Variants in CUEDC1 observed in about 807,000 individuals in gnomAD.
CUEDC1 encodes CUE domain containing 1.
A neutral mutation model predicts 43.7 loss-of-function variants in CUEDC1; 30 were observed. That is an observed-to-expected ratio of 0.69 (90% CI 0.51 to 0.93). The LOEUF is 0.93. Among genes scored for constraint, CUEDC1 ranks in the 40% least tolerant of loss-of-function variants. The pLI is 0.00. For synonymous variants in CUEDC1, 223 were observed against 223.6 expected (o/e 1.00, Z 0.02); for missense variants, 486 against 549.0 (o/e 0.89, Z 1.15).
At chr17:57,951,943 G>C (rs953825134) in intron 1 of CUEDC1, among the ~76,000 whole-genome samples, 1 of 152,142 alleles carries the variant, frequency 6.6e-6, no homozygotes, top group Non-Finnish European at 1.5e-5. Flanking sequence ...ATAATGCGCT[G>C]ACACATCAGA....
intron 1 of CUEDC1, among the ~76,000 whole-genome samples, chr17:57,940,489 G>A (rs538926852): frequency 1.5e-4 from 23 of 152,216 alleles, no homozygotes; most frequent in South Asian, 6.2e-4. Context: ...CTCCCCTCCC[G>A]CAGTAACCTT....
Position 57,867,102 on chromosome 17 carries a change from C to A in CUEDC1, c.1093+255G>T, listed in dbSNP as rs998482092. 5 of 566,186 alleles carry A rather than the reference C, an allele frequency of 8.8e-6. No homozygotes were observed. The African/African-American group carries it at 9.4e-5, about 11-fold the overall frequency. 35.1% of individuals were successfully genotyped at this position (566,186 alleles called of 1,614,324 possible). A position where few individuals can be genotyped will look rare whatever the true frequency, so the allele number is the denominator to read the frequency against. ...CACCCAAAAGAATATTCCCCAGAAACAGTACCTGGCACTTCATGCTACAGG... is the reference window on the plus strand; with the variant it reads ...CACCCAAAAGAATATTCCCCAGAAAAAGTACCTGGCACTTCATGCTACAGG... On this transcript the variant is annotated intron_variant, in intron 9 of 10. Coordinates refer to ENST00000577830, the MANE Select transcript of CUEDC1 (RefSeq NM_001271875.2).
chr17:57,910,527 C>G (rs546700852), intron 1 of CUEDC1, among the ~76,000 whole-genome samples: 1 of 151,582 alleles, frequency 6.6e-6, no homozygotes, highest in South Asian at 2.1e-4. Context: ...TTTGGGAGGC[C>G]GGGGCAGGAG....
At position 57,949,564 on chromosome 17, in the gene CUEDC1, C is replaced by CTTT. The variant is rs1194743025; in HGVS notation, c.-316+5658_-316+5660dup. Among the ~76,000 whole-genome samples, 36 of 79,940 alleles carry CTTT rather than the reference C, an allele frequency of 4.5e-4. 2 individuals carry two copies. The highest frequency in any genetic ancestry group is 2.1e-3 in the African/African-American group (32 of 15,504). 52.4% of individuals were successfully genotyped at this position (79,940 alleles called of 152,430 possible). A position where few individuals can be genotyped will look rare whatever the true frequency, so the allele number is the denominator to read the frequency against. On this transcript the variant is annotated intron_variant, in intron 1 of 10. Coordinates refer to ENST00000577830, the MANE Select transcript of CUEDC1 (RefSeq NM_001271875.2). ...GCTCAGTAGGGGTGTCTCTGACATA[C>CTTT]TTTTTTTTTTTTTTTTTTTTTTTTT...
intron 3 of CUEDC1, among the ~76,000 whole-genome samples, chr17:57,877,593 A>T: frequency 7.5e-6 from 1 of 133,754 alleles, no homozygotes. Flanking sequence ...AAAAAAAAAA[A>T]GGTGGGGGTG....
intron 1 of CUEDC1, among the ~76,000 whole-genome samples, chr17:57,939,467 A>AGG (rs201373366): frequency 3.4e-5 from 4 of 116,804 alleles, no homozygotes; most frequent in Admixed American, 8.6e-5. Flanking sequence ...GGGTGGGGGG[A>AGG]GAGGGTCTCA....
chr17:57,942,748 G>A (rs1435177823), intron 1 of CUEDC1, among the ~76,000 whole-genome samples: 3 of 151,890 alleles, frequency 2.0e-5, no homozygotes, highest in African/African-American at 4.8e-5. Flanking sequence ...AATCACTGCT[G>A]CCGGGCGCTG....
Position 57,866,405 on chromosome 17 carries a change from T to A in CUEDC1, c.*3+69A>T, listed in dbSNP as rs531278792. The stretch of plus-strand genomic sequence containing the variant: ...GCGCCTCTGGACACCTGGGAGGACA[T>A]GTGGGGTGCATAGTGTGGGGGGCCC... On this transcript the variant is annotated intron_variant, in intron 10 of 10. Coordinates refer to ENST00000577830, the MANE Select transcript of CUEDC1 (RefSeq NM_001271875.2). The A allele has an allele frequency of 7.6e-6, 11 of 1,444,800 alleles. No homozygotes were observed. In the African/African-American group the frequency reaches 1.5e-4, roughly 20 times the overall value. 89.5% of individuals were successfully genotyped at this position (1,444,800 alleles called of 1,614,324 possible). A position where few individuals can be genotyped will look rare whatever the true frequency, so the allele number is the denominator to read the frequency against.
At chr17:57,871,606 T>C (rs1026516967) in intron 5 of CUEDC1, among the ~76,000 whole-genome samples, 1 of 152,208 alleles carries the variant, frequency 6.6e-6, no homozygotes, top group African/African-American at 2.4e-5. Context: ...AGAGAGACTG[T>C]AGAGTCCAAA....
intron 1 of CUEDC1, among the ~76,000 whole-genome samples, chr17:57,933,589 G>C (rs781557271): frequency 3.9e-5 from 6 of 152,198 alleles, no homozygotes; most frequent in Non-Finnish European, 5.9e-5. Context: ...ACCTGATCTA[G>C]CCTTGGAACG....
intron 1 of CUEDC1, among the ~76,000 whole-genome samples, chr17:57,935,174 C>T (rs2074848002): frequency 6.6e-6 from 1 of 152,170 alleles, no homozygotes; most frequent in East Asian, 1.9e-4. Flanking sequence ...AATGTGTTTA[C>T]CTTACATTTA....
chr17:57,920,969 T>A (rs1294414681), intron 1 of CUEDC1, among the ~76,000 whole-genome samples: 1 of 152,180 alleles, frequency 6.6e-6, no homozygotes, highest in African/African-American at 2.4e-5. Flanking sequence ...TAGTTGTATA[T>A]AGGTTATACA....
At chr17:57,902,849 T>G (rs1003385961) in intron 1 of CUEDC1, 34 of 152,164 alleles carry the variant, frequency 2.2e-4, no homozygotes, top group African/African-American at 7.2e-4. Flanking sequence ...GTAGGGACTG[T>G]TATTTTGCAG....
intron 1 of CUEDC1, among the ~76,000 whole-genome samples, chr17:57,932,129 C>A (rs553241614): frequency 5.0e-4 from 71 of 142,304 alleles, no homozygotes; most frequent in African/African-American, 2.0e-3. Context: ...CACACACACA[C>A]AAAATAGCTG....
chr17:57,911,628 G>A (rs1425179391), intron 1 of CUEDC1, among the ~76,000 whole-genome samples: 4 of 152,032 alleles, frequency 2.6e-5, no homozygotes, highest in African/African-American at 4.8e-5. Context: ...TCAACCTCCC[G>A]AGTAGCTGGG....
At chr17:57,881,475 C>G (rs1166490390) in intron 2 of CUEDC1, among the ~76,000 whole-genome samples, 1 of 152,228 alleles carries the variant, frequency 6.6e-6, no homozygotes, top group East Asian at 1.9e-4. Context: ...AGTGACCCAG[C>G]AGGTACCTGG....
At chr17:57,863,821 T>C (rs1442205231) in intron 10 of CUEDC1, among the ~76,000 whole-genome samples, 4 of 151,738 alleles carry the variant, frequency 2.6e-5, no homozygotes, top group African/African-American at 9.7e-5. Context: ...ACCAGCATGG[T>C]GAAACCCCGT....
At chr17:57,948,690 T>G (rs2074979257) in intron 1 of CUEDC1, among the ~76,000 whole-genome samples, 1 of 152,230 alleles carries the variant, frequency 6.6e-6, no homozygotes, top group Admixed American at 6.5e-5. Flanking sequence ...TTCCCATTTC[T>G]GAAGACCTTC....
chr17:57,918,057 A>G (rs1274332519), intron 1 of CUEDC1, among the ~76,000 whole-genome samples: 2 of 152,228 alleles, frequency 1.3e-5, no homozygotes, highest in Non-Finnish European at 2.9e-5. Flanking sequence ...TGGGGCGTGC[A>G]TTCAAGGTGT....
Sources: gnomAD v4.1 joint callset for allele counts (sites outside exome capture counted in the v4.1 genomes callset) on GRCh38, gnomAD v4.1.1 for gene constraint, MANE v1.5 for transcripts, NCBI Gene and HGNC (gene_info 2026-07-23, HGNC 2026-07-21) for gene names.